FBN1: variants seen among roughly 807,000 people sequenced by gnomAD.
FBN1 encodes the protein fibrillin 1, also known as fibrillin-1.
FBN1 carries 29 observed loss-of-function variants against 365.1 expected under a neutral mutation model. That is an observed-to-expected ratio of 0.08 (90% CI 0.06 to 0.11). FBN1 has a LOEUF of 0.11. FBN1 is among the 10% of genes least tolerant of loss of function. The pLI is 1.00. For synonymous variants in FBN1, 1,210 were observed against 1,270.5 expected (o/e 0.95, Z 1.01); for missense variants, 2,476 against 3,703.2 (o/e 0.67, Z 8.60).
chr15:48,555,515 C>T (rs1330769148), intron 6 of FBN1, among the ~76,000 whole-genome samples: 1 of 152,154 alleles, frequency 6.6e-6, no homozygotes, highest in Non-Finnish European at 1.5e-5. Context: ...TCAAAATGAA[C>T]ATCTTCATCT....
chr15:48,433,113 G>A (rs1166691492), intron 54 of FBN1, 125 bp from the exon 55 acceptor site: 2 of 976,910 alleles, frequency 2.0e-6, no homozygotes, highest in East Asian at 2.5e-5. Context: ...AACATGGATG[G>A]ATCAAGTGGT....
chr15:48,465,886 TGTTTTGAATCTAAA>T lies in FBN1; in HGVS notation c.4748-42_4748-29del, dbSNP rs1370353447. ...ATTGAAACAAAAATTCAAATTGAGT[TGTTTTGAATCTAAA>T]GTTTTTAGAAATAGTATCCTCAAGA... is the stretch of plus-strand genomic sequence containing the variant. On this transcript the variant is annotated intron_variant, in intron 38 of 65. Transcript: ENST00000316623. 3 of 1,515,824 alleles carry T rather than the reference TGTTTTGAATCTAAA, an allele frequency of 2.0e-6. No individual in the cohort carries two copies. In the East Asian group the frequency reaches 6.8e-5, roughly 34 times the overall value. 93.9% of individuals were successfully genotyped at this position (1,515,824 alleles called of 1,614,324 possible). A position where few individuals can be genotyped will look rare whatever the true frequency, so the allele number is the denominator to read the frequency against.
intron 36 of FBN1, among the ~76,000 whole-genome samples, chr15:48,469,183 C>G (rs560264516): frequency 2.5e-5 from 3 of 117,824 alleles, no homozygotes; most frequent in South Asian, 2.9e-4. Flanking sequence ...ATATTCCAGT[C>G]AAGGTAACTG....
chr15:48,644,401 C>T, intron 2 of FBN1: 1 of 701,062 alleles, frequency 1.4e-6, no homozygotes, highest in South Asian at 1.8e-5. Context: ...TTAACCACGT[C>T]CTCTCCTTTG....
intron 6 of FBN1, among the ~76,000 whole-genome samples, chr15:48,550,177 T>C (rs1252702732): frequency 6.6e-6 from 1 of 152,260 alleles, no homozygotes; most frequent in Non-Finnish European, 1.5e-5. Context: ...GGTCAAATCA[T>C]GAACCATTCA....
At chr15:48,541,924 C>T (rs1002742130) in intron 6 of FBN1, among the ~76,000 whole-genome samples, 2 of 152,290 alleles carry the variant, frequency 1.3e-5, no homozygotes, top group Non-Finnish European at 2.9e-5. Context: ...TGAACTAGGG[C>T]AACAGGCCAA....
intron 10 of FBN1, among the ~76,000 whole-genome samples, chr15:48,518,186 C>A (rs2043820126): frequency 6.6e-6 from 1 of 152,200 alleles, no homozygotes; most frequent in Non-Finnish European, 1.5e-5. Context: ...ATGTCTCAAT[C>A]CTGTTTGTCA....
At chr15:48,492,421 A>C (rs1438768817) in intron 24 of FBN1, 40 bp downstream of exon 24, 4 of 1,585,748 alleles carry the variant, frequency 2.5e-6, no homozygotes, top group Non-Finnish European at 3.5e-6. Context: ...AATAATCGTT[A>C]ATAAATTATT....
chr15:48,521,681 C>G (rs1298465215), intron 9 of FBN1, among the ~76,000 whole-genome samples: 1 of 152,172 alleles, frequency 6.6e-6, no homozygotes, highest in Non-Finnish European at 1.5e-5. Context: ...CTCCATATGC[C>G]TTTGAGATAT....
chr15:48,447,513 T>C (rs754257384), intron 46 of FBN1, among the ~76,000 whole-genome samples: 5 of 152,190 alleles, frequency 3.3e-5, no homozygotes. Flanking sequence ...ACATCTTATA[T>C]GTCTTTGCAT....
intron 6 of FBN1, among the ~76,000 whole-genome samples, chr15:48,559,238 A>G (rs1277911039): frequency 7.9e-5 from 12 of 152,304 alleles, no homozygotes; most frequent in Admixed American, 2.6e-4. Context: ...ATTGGCTAGT[A>G]CAGCCTGTTT....
rs1566890521 is a variant in FBN1 at position 48,417,473 on chromosome 15, C to CTTCCTTCCT, written c.7820-1715_7820-1707dup. ...TTTCCTTCCTTCCTTCCTTCCTTTC[C>CTTCCTTCCT]TTCCTTCCTTCCTTCTCTCCTCCCC... On this transcript the variant is annotated intron_variant, in intron 63 of 65. Transcript: ENST00000316623. 3.3e-4 allele frequency among the ~76,000 whole-genome samples: 34 copies of CTTCCTTCCT among 103,862 alleles called. No homozygotes were observed. The East Asian group carries it at 4.8e-3, about 15-fold the overall frequency. The allele number at this position is 103,862 out of a possible 152,430, so 68.1% of individuals were successfully genotyped here.
chr15:48,471,935 A>G (rs945802977), intron 35 of FBN1, among the ~76,000 whole-genome samples: 1 of 152,252 alleles, frequency 6.6e-6, no homozygotes, highest in African/African-American at 2.4e-5. Context: ...ACTTATCAGA[A>G]TGACAGAGCC....
At chr15:48,623,444 A>G (rs1230153183) in intron 2 of FBN1, among the ~76,000 whole-genome samples, 1 of 152,276 alleles carries the variant, frequency 6.6e-6, no homozygotes, top group Admixed American at 6.5e-5. Flanking sequence ...TAACTCAGAA[A>G]TCAATATTTT....
intron 9 of FBN1, among the ~76,000 whole-genome samples, chr15:48,524,250 G>C (rs953463429): frequency 4.6e-5 from 7 of 152,194 alleles, no homozygotes; most frequent in African/African-American, 1.7e-4. Flanking sequence ...CTCGGGGCTG[G>C]GAGGTCTGAG....
At chr15:48,520,585 G>C (rs2043843469) in intron 10 of FBN1, 74 bp downstream of exon 10, 1 of 1,556,958 alleles carries the variant, frequency 6.4e-7, no homozygotes. Context: ...CATTACATCT[G>C]CATCATGCAC....
chr15:48,450,683 A>G (rs114670711), intron 45 of FBN1, among the ~76,000 whole-genome samples: 2,029 of 152,330 alleles, frequency 0.013, 36 homozygotes, highest in African/African-American at 0.039. Flanking sequence ...TAGCATCCTG[A>G]GCTCAGATAT....
At chr15:48,446,955 C>G in intron 46 of FBN1, 133 bp from the exon 47 acceptor site, 1 of 668,102 alleles carries the variant, frequency 1.5e-6, no homozygotes, top group East Asian at 2.7e-5. Context: ...ATGTTGGTAT[C>G]AGCTCCAGCA....
chr15:48,525,681 T>C (rs1394167118), intron 9 of FBN1, among the ~76,000 whole-genome samples: 1 of 152,188 alleles, frequency 6.6e-6, no homozygotes, highest in Admixed American at 6.5e-5. Flanking sequence ...TGTTATTTAA[T>C]CGAAGCACTA....
Sources: gnomAD v4.1 joint callset for allele counts (sites outside exome capture counted in the v4.1 genomes callset) on GRCh38, gnomAD v4.1.1 for gene constraint, MANE v1.5 for transcripts, NCBI Gene and HGNC (gene_info 2026-07-23, HGNC 2026-07-21) for gene names.